Variants in DDC observed in about 807,000 individuals in gnomAD.
DDC encodes aromatic-L-amino-acid decarboxylase.
In DDC, 43 loss-of-function variants were observed where a neutral mutation model predicts 60.0. The ratio of observed to expected loss-of-function variants is 0.72; its 90% confidence interval spans 0.56 to 0.92. The LOEUF is 0.92. Ranked by LOEUF, DDC falls within the 40% of genes least tolerant of loss-of-function variation. DDC has a pLI of 0.00. For missense variants in DDC, 573 were observed against 620.2 expected, an observed-to-expected ratio of 0.92 and a Z score of 0.81; for synonymous variants, 232 against 234.6, an observed-to-expected ratio of 0.99 and a Z score of 0.10.
At chr7:50,560,415 T>C (rs1585300569) in intron 1 of DDC, among the ~76,000 whole-genome samples, 2 of 152,286 alleles carry the variant, frequency 1.3e-5, no homozygotes, top group Non-Finnish European at 2.9e-5. Context: ...TCCTCCCTTA[T>C]TCACAATAGA....
At chr7:50,525,264 C>T (rs977187316) in intron 6 of DDC, among the ~76,000 whole-genome samples, 5 of 152,074 alleles carry the variant, frequency 3.3e-5, no homozygotes, top group African/African-American at 1.2e-4. Context: ...TCAGTATTCT[C>T]ATTGGCATGG....
At chr7:50,492,864 C>T in intron 9 of DDC, 1 of 1,570,524 alleles carries the variant, frequency 6.4e-7, no homozygotes, top group Non-Finnish European at 8.6e-7. Flanking sequence ...TTGCTGGCAT[C>T]AGCTCTGCAG....
chr7:50,552,174 G>A (rs1006972275), intron 1 of DDC, among the ~76,000 whole-genome samples: 4 of 152,132 alleles, frequency 2.6e-5, no homozygotes, highest in African/African-American at 9.7e-5. Flanking sequence ...TTTTTAGAAG[G>A]CTCTTAGCAT....
chr7:50,532,388 G>T (rs2044246868), intron 4 of DDC, among the ~76,000 whole-genome samples: 1 of 152,222 alleles, frequency 6.6e-6, no homozygotes, highest in African/African-American at 2.4e-5. Context: ...AAATGAGGTT[G>T]TCTTTAATGA....
Position 50,470,992 on chromosome 7 carries a change from G to A in DDC, c.1042-821C>T, listed in dbSNP as rs2042517061. 2.0e-5 allele frequency among the ~76,000 whole-genome samples: 3 copies of A among 152,224 alleles called. No individual in the cohort carries two copies. In the South Asian group the frequency reaches 6.2e-4, roughly 32 times the overall value. ...GGCCTGGGTGACACAGTGCAGCCAG[G>A]CGCGACACTCTAGCGCAGCTGGGCC... On this transcript the variant is annotated intron_variant, in intron 11 of 14. Coordinates refer to ENST00000444124, the MANE Select transcript of DDC (RefSeq NM_001082971.2).
At chr7:50,486,798 G>C in intron 9 of DDC, among the ~76,000 whole-genome samples, 1 of 152,220 alleles carries the variant, frequency 6.6e-6, no homozygotes, top group African/African-American at 2.4e-5. Context: ...GCTAAGTCAT[G>C]CAAGGAGTTG....
chr7:50,517,569 T>C (rs1375016950), intron 6 of DDC, among the ~76,000 whole-genome samples: 1 of 152,170 alleles, frequency 6.6e-6, no homozygotes, highest in African/African-American at 2.4e-5. Context: ...CTGGAAATCC[T>C]AGCCACAGCA....
intron 6 of DDC, among the ~76,000 whole-genome samples, chr7:50,522,051 T>C (rs565712527): frequency 5.5e-4 from 83 of 151,758 alleles, no homozygotes; most frequent in African/African-American, 1.8e-3. Context: ...AAAACAAAAC[T>C]CTCCCAGAAC....
At chr7:50,510,784 A>T (rs1252005255) in intron 6 of DDC, among the ~76,000 whole-genome samples, 1 of 151,778 alleles carries the variant, frequency 6.6e-6, no homozygotes, top group East Asian at 1.9e-4. Context: ...GATCGAGACC[A>T]TCCTGGCTAA....
chr7:50,546,598 T>G (rs182827956), intron 1 of DDC, among the ~76,000 whole-genome samples: 1 of 152,226 alleles, frequency 6.6e-6, no homozygotes, highest in Non-Finnish European at 1.5e-5. Flanking sequence ...CAAGGTACTT[T>G]GACAAAGGTA....
chr7:50,478,829 A>C (rs2042706063), intron 10 of DDC, among the ~76,000 whole-genome samples: 1 of 152,220 alleles, frequency 6.6e-6, no homozygotes, highest in Non-Finnish European at 1.5e-5. Context: ...CGAACAATGC[A>C]TTGAACAAGA....
chr7:50,528,819 C>T (rs1009777154), intron 5 of DDC, among the ~76,000 whole-genome samples: 2 of 152,056 alleles, frequency 1.3e-5, no homozygotes, highest in Admixed American at 6.5e-5. Context: ...CAGCCCCCAC[C>T]GCCACTGTCT....
chr7:50,526,357 C>T (rs928478698), intron 6 of DDC, among the ~76,000 whole-genome samples: 2 of 152,058 alleles, frequency 1.3e-5, no homozygotes, highest in Non-Finnish European at 2.9e-5. Flanking sequence ...AAATATCTTC[C>T]AAAAGTGAAG....
intron 1 of DDC, among the ~76,000 whole-genome samples, chr7:50,552,506 G>C (rs1234900237): frequency 2.0e-5 from 3 of 152,192 alleles, no homozygotes; most frequent in East Asian, 3.9e-4. Flanking sequence ...ATCAGCAACA[G>C]TCAGAGCTCA....
chr7:50,519,187 A>G lies in DDC; in HGVS notation c.714+8950T>C, dbSNP rs945766866. On this transcript the variant is annotated intron_variant, in intron 6 of 14. Coordinates refer to ENST00000444124, the MANE Select transcript of DDC (RefSeq NM_001082971.2). Reference sequence around the variant, plus strand: ...CAGGGAAATGCAAATCAAAACCACAATGCAATACCACCTTACTCCTGCAAG... The same window carrying G: ...CAGGGAAATGCAAATCAAAACCACAGTGCAATACCACCTTACTCCTGCAAG... 2.6e-5 allele frequency among the ~76,000 whole-genome samples: 4 copies of G among 152,218 alleles called. 1 individual carries two copies. The highest frequency in any genetic ancestry group is 6.5e-5 in the Admixed American group (1 of 15,286).
intron 4 of DDC, among the ~76,000 whole-genome samples, chr7:50,533,247 G>C (rs2044277122): frequency 1.3e-5 from 2 of 151,158 alleles, no homozygotes; most frequent in South Asian, 4.2e-4. Context: ...GAAAGCTCCT[G>C]TGTCTTTTCA....
chr7:50,521,540 C>T (rs917549463), intron 6 of DDC, among the ~76,000 whole-genome samples: 6 of 151,938 alleles, frequency 3.9e-5, no homozygotes, highest in East Asian at 1.9e-4. Context: ...TTGAATCCAA[C>T]AATGTAAAAA....
rs1411850719 is a variant in DDC at position 50,477,474 on chromosome 7, G to A, written c.1022-831C>T. On this transcript the variant is annotated intron_variant, in intron 10 of 14. Coordinates refer to ENST00000444124, the MANE Select transcript of DDC (RefSeq NM_001082971.2). ...CCTACTTCCGCAGTCAACAGGGGCT[G>A]TGGCAGGGCCATAGCAGGCCCTGAC... 1.3e-5 allele frequency: 6 copies of A among 454,340 alleles called. No individual in the cohort carries two copies. The Admixed American group carries it at 1.4e-4, about 11-fold the overall frequency. 28.1% of individuals were successfully genotyped at this position (454,340 alleles called of 1,614,324 possible). A position where few individuals can be genotyped will look rare whatever the true frequency, so the allele number is the denominator to read the frequency against.
intron 6 of DDC, among the ~76,000 whole-genome samples, chr7:50,504,574 CAA>C (rs1330518070): frequency 6.7e-6 from 1 of 150,356 alleles, no homozygotes; most frequent in African/African-American, 2.4e-5. Flanking sequence ...AAAATATACA[CAA>C]GTGTATATAT....
Sources: gnomAD v4.1 joint callset for allele counts (sites outside exome capture counted in the v4.1 genomes callset) on GRCh38, gnomAD v4.1.1 for gene constraint, MANE v1.5 for transcripts, NCBI Gene and HGNC (gene_info 2026-07-23, HGNC 2026-07-21) for gene names.